The following LRBA variants were observed in gnomAD, a reference collection of about 807,000 sequenced individuals.
LRBA encodes lipopolysaccharide-responsive and beige-like anchor protein.
A neutral mutation model predicts 330.0 loss-of-function variants in LRBA; 176 were observed. That is an observed-to-expected ratio of 0.53 (90% CI 0.47 to 0.60). LRBA has a LOEUF of 0.60. Among genes scored for constraint, LRBA ranks in the 20% least tolerant of loss-of-function variants. LRBA has a pLI of 0.00. For synonymous variants in LRBA, 1,230 were observed against 1,193.0 expected, an observed-to-expected ratio of 1.03 and a Z score of -0.64; for missense variants, 3,259 against 3,444.8, an observed-to-expected ratio of 0.95 and a Z score of 1.35.
chr4:150,850,580 A>C (rs1437069132), intron 24 of LRBA, 144 bp downstream of exon 24: 14 of 456,838 alleles, frequency 3.1e-5, no homozygotes, highest in Non-Finnish European at 5.3e-5. Flanking sequence ...ATAAAAGTGA[A>C]TTCAGTAAAA....
chr4:150,813,791 T>G (rs1744146795), intron 31 of LRBA, among the ~76,000 whole-genome samples: 1 of 152,144 alleles, frequency 6.6e-6, no homozygotes, highest in Non-Finnish European at 1.5e-5. Context: ...AGAAGAAACT[T>G]CATATTTTCT....
At chr4:150,296,911 C>A (rs1729046887) in intron 53 of LRBA, among the ~76,000 whole-genome samples, 2 of 151,454 alleles carry the variant, frequency 1.3e-5, no homozygotes. Context: ...CCCCCGCGCC[C>A]ACCCCCACCG....
intron 40 of LRBA, among the ~76,000 whole-genome samples, chr4:150,517,591 GA>G (rs1762488656): frequency 6.6e-6 from 1 of 152,048 alleles, no homozygotes; most frequent in Non-Finnish European, 1.5e-5. Context: ...CCAAGACAAA[GA>G]AAAACAGGAT....
chr4:150,518,651 AC>A (rs1762613508), intron 40 of LRBA, among the ~76,000 whole-genome samples: 1 of 152,052 alleles, frequency 6.6e-6, no homozygotes, highest in Non-Finnish European at 1.5e-5. Flanking sequence ...AAGAATACAA[AC>A]CCTTTGAATT....
chr4:150,809,906 ATACGATACGATACG>A (rs1560850222), intron 31 of LRBA, among the ~76,000 whole-genome samples: 2 of 146,940 alleles, frequency 1.4e-5, no homozygotes, highest in Non-Finnish European at 3.0e-5. Context: ...ATACGATACG[ATACGATACGATACG>A]ATACGATACG....
intron 38 of LRBA, among the ~76,000 whole-genome samples, chr4:150,595,392 G>A (rs536504382): frequency 6.6e-6 from 1 of 151,870 alleles, no homozygotes; most frequent in East Asian, 1.9e-4. Context: ...ACAATGGCAC[G>A]ATTTAAGATC....
At chr4:150,878,700 A>G (rs536692628) in intron 17 of LRBA, among the ~76,000 whole-genome samples, 46 of 152,244 alleles carry the variant, frequency 3.0e-4, no homozygotes, top group African/African-American at 1.1e-3. Context: ...CTCAGAGACA[A>G]TTATGAACAC....
chr4:150,935,080 G>C (rs1261366743), intron 2 of LRBA, among the ~76,000 whole-genome samples: 2 of 151,410 alleles, frequency 1.3e-5, no homozygotes, highest in Non-Finnish European at 2.9e-5. Context: ...GGAGGTTGAG[G>C]CAGGAGAATC....
chr4:150,878,359 C>T (rs1754298697), intron 17 of LRBA, among the ~76,000 whole-genome samples: 1 of 151,648 alleles, frequency 6.6e-6, no homozygotes, highest in Admixed American at 6.6e-5. Flanking sequence ...AATTTTATAG[C>T]ACATAGCACT....
chr4:150,579,684 G>A lies in LRBA; in HGVS notation c.6330+8364C>T, dbSNP rs562013536. On this transcript the variant is annotated intron_variant, in intron 40 of 56. Coordinates refer to ENST00000651943, the MANE Select transcript of LRBA (RefSeq NM_001364905.1). ...CCAGTGGAGGTGCAGCGGAGTGTCC[G>A]GCGAGTGGTGGCGCGAAGGTCCGCT... The A allele has an allele frequency of 2.6e-5, 12 of 456,730 alleles. No homozygotes were observed. The Middle Eastern group carries it at 1.3e-3, about 50-fold the overall frequency. The allele number at this position is 456,730 out of a possible 1,614,324, so 28.3% of individuals were successfully genotyped here. A position where few individuals can be genotyped will look rare whatever the true frequency, so the allele number is the denominator to read the frequency against.
intron 16 of LRBA, among the ~76,000 whole-genome samples, chr4:150,893,838 G>A (rs1579119109): frequency 1.3e-5 from 2 of 151,890 alleles, no homozygotes; most frequent in East Asian, 3.9e-4. Context: ...ACCACGCCCG[G>A]CTAATTTTTT....
intron 2 of LRBA, among the ~76,000 whole-genome samples, chr4:150,950,106 C>A: frequency 6.6e-6 from 1 of 152,136 alleles, no homozygotes; most frequent in East Asian, 1.9e-4. Flanking sequence ...AACCTTCATA[C>A]AGAGAACCTT....
intron 34 of LRBA, among the ~76,000 whole-genome samples, chr4:150,790,385 T>C (rs1739722362): frequency 6.6e-6 from 1 of 152,302 alleles, no homozygotes; most frequent in East Asian, 1.9e-4. Context: ...ACAGCACTTT[T>C]AAATCAATAT....
chr4:150,929,333 A>G (rs1734213053), intron 2 of LRBA, among the ~76,000 whole-genome samples: 1 of 152,178 alleles, frequency 6.6e-6, no homozygotes, highest in South Asian at 2.1e-4. Flanking sequence ...CTAACCTGTT[A>G]CCAATAAAGA....
At chr4:150,730,346 A>G (rs915686741) in intron 36 of LRBA, among the ~76,000 whole-genome samples, 4 of 152,188 alleles carry the variant, frequency 2.6e-5, no homozygotes, top group African/African-American at 9.6e-5. Context: ...ATTTGAATAG[A>G]CGTTTCTCAA....
intron 40 of LRBA, among the ~76,000 whole-genome samples, chr4:150,585,921 GC>G (rs1772058016): frequency 1.3e-5 from 2 of 152,074 alleles, no homozygotes; most frequent in African/African-American, 4.8e-5. Context: ...TGACAAACAG[GC>G]TTAAGTTGTG....
chr4:151,014,882 T>A, intron 1 of LRBA, 21 bp from the exon 2 acceptor site: 2 of 478,888 alleles, frequency 4.2e-6, no homozygotes, highest in Non-Finnish European at 7.4e-6. Context: ...ATTAAATATA[T>A]GTTAAATAGG....
chr4:150,312,632 C>T (rs1427887684), intron 51 of LRBA, among the ~76,000 whole-genome samples: 7 of 152,024 alleles, frequency 4.6e-5, no homozygotes, highest in Non-Finnish European at 1.0e-4. Context: ...AGGTGGTTTC[C>T]AATTTACTGC....
intron 47 of LRBA, among the ~76,000 whole-genome samples, chr4:150,403,331 G>T (rs1240183590): frequency 5.3e-5 from 8 of 152,168 alleles, no homozygotes; most frequent in African/African-American, 1.9e-4. Context: ...ATTTCTTCTT[G>T]TGAATTTCAT....
Sources: allele counts gnomAD v4.1 joint callset (sites outside exome capture counted in the v4.1 genomes callset), GRCh38; gene constraint gnomAD v4.1.1; transcripts MANE v1.5; gene names NCBI Gene and HGNC (gene_info 2026-07-23, HGNC 2026-07-21).